CENPW: variants seen among roughly 807,000 people sequenced by gnomAD.
The protein encoded by CENPW is cancer-up-regulated gene 2 protein.
Under a neutral mutation model 11.1 loss-of-function variants are expected in CENPW, and 3 were observed. That is an observed-to-expected ratio of 0.27 (90% CI 0.12 to 0.70). The LOEUF (loss-of-function observed/expected upper bound fraction) is 0.70, where lower values mean the gene tolerates loss of function less well. Ranked by LOEUF, CENPW falls within the 30% of genes least tolerant of loss-of-function variation. The probability of loss-of-function intolerance (pLI) is 0.77; values close to 1 mark genes in which losing one functional copy is unlikely to be tolerated. For synonymous variants in CENPW, 38 were observed against 42.0 expected, an observed-to-expected ratio of 0.91 and a Z score of 0.37; for missense variants, 100 against 105.6, an observed-to-expected ratio of 0.95 and a Z score of 0.23.
chr6:126,421,500 C>G, the CENPW span, among the ~76,000 whole-genome samples: 1 of 151,944 alleles, frequency 6.6e-6, no homozygotes, highest in Non-Finnish European at 1.5e-5. Flanking sequence ...TTTACTTATT[C>G]CCTCCACATC....
At chr6:126,422,269 T>A in the CENPW span, among the ~76,000 whole-genome samples, 2 of 152,276 alleles carry the variant, frequency 1.3e-5, no homozygotes, top group Non-Finnish European at 2.9e-5. Flanking sequence ...TATATTAACC[T>A]AGTTATATAC....
At chr6:126,478,868 T>C in the CENPW span, among the ~76,000 whole-genome samples, 1 of 152,150 alleles carries the variant, frequency 6.6e-6, no homozygotes, top group South Asian at 2.1e-4. Context: ...TTCTCCTGTT[T>C]CAGAGTTCCT....
intron 1 of CENPW, among the ~76,000 whole-genome samples, chr6:126,345,403 T>C (rs937061084): frequency 1.3e-5 from 2 of 152,056 alleles, no homozygotes; most frequent in East Asian, 1.9e-4. Flanking sequence ...AATATACTTA[T>C]TTTTGATAGT....
At chr6:126,418,586 A>G in the CENPW span, among the ~76,000 whole-genome samples, 1 of 152,176 alleles carries the variant, frequency 6.6e-6, no homozygotes, top group African/African-American at 2.4e-5. Flanking sequence ...TACATTTGTC[A>G]AAACCCACAG....
At chr6:126,446,363 C>A in the CENPW span, among the ~76,000 whole-genome samples, 14 of 148,842 alleles carry the variant, frequency 9.4e-5, no homozygotes, top group Non-Finnish European at 1.8e-4. Flanking sequence ...CCTGGCCCCC[C>A]CACAAGAAAA....
At chr6:126,472,821 T>C in the CENPW span, among the ~76,000 whole-genome samples, 821 of 152,342 alleles carry the variant, frequency 5.4e-3, 9 homozygotes, top group African/African-American at 0.018. Context: ...ATCAGTCTTT[T>C]ATCATTTTAG....
chr6:126,394,502 C>A, the CENPW span, among the ~76,000 whole-genome samples: 1 of 152,096 alleles, frequency 6.6e-6, no homozygotes, highest in East Asian at 1.9e-4. Flanking sequence ...TGTCTTGAAA[C>A]GTTGTAGTTA....
At chr6:126,461,294 A>G in the CENPW span, among the ~76,000 whole-genome samples, 1 of 151,852 alleles carries the variant, frequency 6.6e-6, no homozygotes, top group African/African-American at 2.4e-5. Flanking sequence ...TGGCCTCCCT[A>G]GCCATGTGGA....
the CENPW span, among the ~76,000 whole-genome samples, chr6:126,462,682 A>G: frequency 2.6e-5 from 4 of 151,792 alleles, no homozygotes; most frequent in African/African-American, 9.7e-5. Flanking sequence ...AATATACAAA[A>G]TACTCTGCTA....
chr6:126,346,452 G>C lies in CENPW; in HGVS notation c.240+134G>C, dbSNP rs1583955641. The C allele has an allele frequency of 1.0e-5, 5 of 483,936 alleles. No homozygotes were observed. The East Asian group carries it at 1.5e-4, about 15-fold the overall frequency. 30.0% of individuals were successfully genotyped at this position (483,936 alleles called of 1,614,324 possible). ...GATATTTGGCCTTTTATGAATTAAT[G>C]ATTTTAATTAAGGAGTTATATTTCC... On this transcript the variant is annotated intron_variant, in intron 2 of 2. Coordinates refer to ENST00000368328, the MANE Select transcript of CENPW (RefSeq NM_001012507.4).
chr6:126,418,861 C>T, the CENPW span, among the ~76,000 whole-genome samples: 16 of 139,492 alleles, frequency 1.1e-4, no homozygotes, highest in Non-Finnish European at 2.1e-4. Context: ...TGTTCTCACT[C>T]ATAGGTGGGA....
At chr6:126,384,769 G>A in the CENPW span, among the ~76,000 whole-genome samples, 1 of 151,924 alleles carries the variant, frequency 6.6e-6, no homozygotes, top group Non-Finnish European at 1.5e-5. Context: ...AACACAAATG[G>A]AATCTAATTA....
the CENPW span, among the ~76,000 whole-genome samples, chr6:126,394,422 A>G: frequency 6.6e-6 from 1 of 152,064 alleles, no homozygotes; most frequent in Admixed American, 6.6e-5. Flanking sequence ...TGGCAAAAAG[A>G]AACCAAAAAT....
the CENPW span, among the ~76,000 whole-genome samples, chr6:126,461,283 C>G: frequency 1.9e-4 from 29 of 151,974 alleles, no homozygotes; most frequent in African/African-American, 7.0e-4. Flanking sequence ...CTTCTCTTGT[C>G]TGGCCTCCCT....
the CENPW span, among the ~76,000 whole-genome samples, chr6:126,369,104 A>G: frequency 8.4e-6 from 1 of 119,646 alleles, no homozygotes; most frequent in African/African-American, 2.7e-5. Flanking sequence ...AGGTTGCTGC[A>G]AATGCCATTT....
the CENPW span, among the ~76,000 whole-genome samples, chr6:126,354,127 T>TTACC: frequency 6.6e-6 from 1 of 152,098 alleles, no homozygotes; most frequent in East Asian, 1.9e-4. Flanking sequence ...AAATTTTTTA[T>TTACC]CAAATAATGG....
At chr6:126,464,021 A>G in the CENPW span, among the ~76,000 whole-genome samples, 14 of 152,234 alleles carry the variant, frequency 9.2e-5, no homozygotes, top group South Asian at 2.5e-3. Context: ...AAAAAAAACT[A>G]CATATTGATA....
chr6:126,445,527 G>A, the CENPW span, among the ~76,000 whole-genome samples: 7 of 151,250 alleles, frequency 4.6e-5, no homozygotes, highest in Non-Finnish European at 7.4e-5. Context: ...TTTGGGGCAG[G>A]AGTCTATACA....
the CENPW span, among the ~76,000 whole-genome samples, chr6:126,432,058 C>G: frequency 7.5e-6 from 1 of 132,690 alleles, no homozygotes; most frequent in African/African-American, 3.0e-5. Flanking sequence ...GACTGAGACT[C>G]CATCTCACAA....
Sources: gnomAD v4.1 joint callset for allele counts (sites outside exome capture counted in the v4.1 genomes callset) on GRCh38, gnomAD v4.1.1 for gene constraint, MANE v1.5 for transcripts, NCBI Gene and HGNC (gene_info 2026-07-23, HGNC 2026-07-21) for gene names.